COL1A2: variants seen among roughly 807,000 people sequenced by gnomAD.
The protein encoded by COL1A2 is collagen type I alpha 2 chain, also known as collagen alpha-2(I) chain.
COL1A2 carries 49 observed loss-of-function variants against 174.3 expected under a neutral mutation model. That is an observed-to-expected ratio of 0.28 (90% CI 0.22 to 0.36). COL1A2 has a LOEUF of 0.36. COL1A2 is among the 10% of genes least tolerant of loss of function. COL1A2 has a pLI of 1.00. For missense variants in COL1A2, 1,438 were observed against 1,822.7 expected, an observed-to-expected ratio of 0.79 and a Z score of 3.84; for synonymous variants, 655 against 606.6, an observed-to-expected ratio of 1.08 and a Z score of -1.17.
intron 16 of COL1A2, 143 bp from the exon 17 acceptor site, chr7:94,409,179 C>G (rs1015244479): frequency 4.6e-6 from 4 of 876,260 alleles, no homozygotes; most frequent in Non-Finnish European, 7.6e-6. Flanking sequence ...AAACCAAACT[C>G]AAATCTTGTA....
Position 94,402,125 on chromosome 7 carries a change from C to T in COL1A2, c.279+505C>T, listed in dbSNP as rs74964887. On this transcript the variant is annotated intron_variant, in intron 6 of 51. Transcript: ENST00000297268. The stretch of plus-strand genomic sequence containing the variant: ...AGAGTTTAAGCCCTTTTCTCAAAGT[C>T]ATCCAGGTAACTAATGACATAACTA... Among the ~76,000 whole-genome samples the T allele has an allele frequency of 5.7e-3, 874 of 152,220 alleles. 8 individuals are homozygous for T. Among genetic ancestry groups the T allele is most frequent in the African/African-American group, 0.02 (834 of 41,544 alleles).
At chr7:94,418,629 T>A in intron 33 of COL1A2, 77 bp downstream of exon 33, 1 of 1,131,958 alleles carries the variant, frequency 8.8e-7, no homozygotes, top group Non-Finnish European at 1.3e-6. Flanking sequence ...TTTTCCAAAT[T>A]AGAACTACAC....
At chr7:94,427,526 A>T in intron 48 of COL1A2, 101 bp from the exon 49 acceptor site, 1 of 1,390,078 alleles carries the variant, frequency 7.2e-7, no homozygotes, top group Non-Finnish European at 1.0e-6. Context: ...TACTGATGAG[A>T]ACATGCTTCC....
chr7:94,419,331 T>C, intron 33 of COL1A2, 167 bp from the exon 34 acceptor site: 3 of 742,578 alleles, frequency 4.0e-6, no homozygotes, highest in South Asian at 3.1e-5. Flanking sequence ...TGGCTTCTAA[T>C]AGTCTTGTTA....
intron 6 of COL1A2, among the ~76,000 whole-genome samples, chr7:94,403,433 T>C (rs566191656): frequency 2.0e-5 from 3 of 152,264 alleles, no homozygotes; most frequent in Admixed American, 1.3e-4. Context: ...ACAGCCTCCA[T>C]GAAATACACT....
At chr7:94,411,253 A>T in intron 23 of COL1A2, 99 bp downstream of exon 23, 1 of 995,282 alleles carries the variant, frequency 1.0e-6, no homozygotes. Context: ...CATCAAAAGT[A>T]AATTTGTTAG....
intron 4 of COL1A2, 132 bp downstream of exon 4, chr7:94,399,216 C>A: frequency 1.3e-6 from 1 of 775,226 alleles, no homozygotes; most frequent in Non-Finnish European, 2.2e-6. Flanking sequence ...ACAGGTAATG[C>A]ACTGCAGAAG....
At chr7:94,410,788 G>GT in intron 21 of COL1A2, 101 bp from the exon 22 acceptor site, 1 of 1,315,566 alleles carries the variant, frequency 7.6e-7, no homozygotes, top group Non-Finnish European at 1.1e-6. Flanking sequence ...GTTTGTGTCT[G>GT]TATCTCCCCT....
chr7:94,424,177 G>A (rs536038022), intron 40 of COL1A2, 159 bp from the exon 41 acceptor site: 142 of 644,346 alleles, frequency 2.2e-4, no homozygotes, highest in East Asian at 1.5e-3. Flanking sequence ...TAAACTCACC[G>A]TCATCACTAG....
chr7:94,417,686 T>G, intron 31 of COL1A2, 38 bp from the exon 32 acceptor site: 1 of 1,498,860 alleles, frequency 6.7e-7, no homozygotes, highest in Non-Finnish European at 9.1e-7. Context: ...TTTTCTTCTT[T>G]CTCCACTAAA....
At position 94,408,918 on chromosome 7, in the gene COL1A2, G is replaced by A. The variant is rs910802195; in HGVS notation, c.792+95G>A. ...TGTTTGCAGATAAAGAGATAATTAC[G>A]AAACAGTTACCTTAATTATTCCTTC... On this transcript the variant is annotated intron_variant, in intron 16 of 51. Transcript: ENST00000297268. The A allele has an allele frequency of 2.3e-5, 27 of 1,178,052 alleles. No homozygotes were observed. The South Asian group carries it at 2.5e-4, about 11-fold the overall frequency. 73.0% of individuals were successfully genotyped at this position (1,178,052 alleles called of 1,614,324 possible).
intron 39 of COL1A2, among the ~76,000 whole-genome samples, chr7:94,422,217 G>T (rs746383780): frequency 1.9e-4 from 28 of 149,208 alleles, no homozygotes; most frequent in Non-Finnish European, 4.4e-5. Context: ...ACAAAAAAAC[G>T]AACAGTTTTA....
At position 94,412,666 on chromosome 7, in the gene COL1A2, G is replaced by C. The variant is rs758488397; in HGVS notation, c.1487G>C (p.Gly496Ala). 2 of 1,614,024 alleles carry C rather than the reference G, an allele frequency of 1.2e-6. No individual in the cohort carries two copies. The highest frequency in any genetic ancestry group is 1.7e-6 in the Non-Finnish European group (2 of 1,179,964). Residue 496 changes from glycine to alanine, a missense_variant, in exon 25 of 52, where the codon GGA (glycine) becomes GCA (alanine). By Grantham distance (60) the Gly-to-Ala change is moderately conservative. This residue lies in a region of COL1A2 where 867 missense variants were observed against 1,213.7 expected (regional missense o/e 0.71). Transcript: ENST00000297268. ...GAGCCTGGCAACATTGGATTCCCTGGACCCAAAGGCCCCACTGTAAGAATC... is the reference window on the plus strand; with the variant it reads ...GAGCCTGGCAACATTGGATTCCCTGCACCCAAAGGCCCCACTGTAAGAATC... Reference protein sequence around the residue: ...RGEPGNIGFPGPKGPTGDPGK... With the variant: ...RGEPGNIGFPAPKGPTGDPGK...
At chr7:94,417,496 G>A in intron 31 of COL1A2, 1 of 538,122 alleles carries the variant, frequency 1.9e-6, no homozygotes, top group Non-Finnish European at 3.4e-6. Flanking sequence ...GGTTATAGAG[G>A]AATCGCAGCT....
At chr7:94,419,669 A>G in intron 34 of COL1A2, 118 bp downstream of exon 34, 1 of 1,108,788 alleles carries the variant, frequency 9.0e-7, no homozygotes, top group South Asian at 1.3e-5. Context: ...TTATTTAAAA[A>G]CCTAGCTATT....
At chr7:94,423,932 A>G in intron 40 of COL1A2, 1 of 246,344 alleles carries the variant, frequency 4.1e-6, no homozygotes, top group Non-Finnish European at 8.0e-6. Flanking sequence ...CAGCAGTGTG[A>G]TTGCTGGATC....
intron 21 of COL1A2, 87 bp downstream of exon 21, chr7:94,410,614 G>A: frequency 8.3e-7 from 1 of 1,208,518 alleles, no homozygotes; most frequent in Non-Finnish European, 1.2e-6. Context: ...ATTACTGACT[G>A]TGTTTTCTTA....
chr7:94,426,278 G>A, intron 45 of COL1A2, 145 bp from the exon 46 acceptor site: 1 of 868,492 alleles, frequency 1.2e-6, no homozygotes, highest in East Asian at 2.6e-5. Flanking sequence ...CACAACTAAA[G>A]CAGATTACCA....
intron 41 of COL1A2, chr7:94,424,800 C>A (rs199557143): frequency 6.4e-6 from 3 of 466,404 alleles, no homozygotes; most frequent in Non-Finnish European, 1.2e-5. Flanking sequence ...AAACCTTATA[C>A]GTGACAACAA....
Sources: gnomAD v4.1 joint callset for allele counts (sites outside exome capture counted in the v4.1 genomes callset) on GRCh38, gnomAD v4.1.1 for gene constraint, gnomAD v4.1.1 regional missense constraint, MANE v1.5 for transcripts, NCBI Gene and HGNC (gene_info 2026-07-23, HGNC 2026-07-21) for gene names.